Variants in SNX29 observed in about 807,000 individuals in gnomAD.
The protein encoded by SNX29 is sorting nexin 29.
A neutral mutation model predicts 102.1 loss-of-function variants in SNX29; 78 were observed. That is an observed-to-expected ratio of 0.76 (90% confidence interval 0.64 to 0.92). The LOEUF is 0.92. Ranked by LOEUF, SNX29 falls within the 40% of genes least tolerant of loss-of-function variation. SNX29 has a pLI of 0.00. For synonymous variants in SNX29, 580 were observed against 414.5 expected (o/e 1.40, Z -4.85); for missense variants, 1,280 against 1,061.7 (o/e 1.21, Z -2.86).
intron 3 of SNX29, among the ~76,000 whole-genome samples, chr16:12,018,743 T>G (rs1432155761): frequency 6.6e-6 from 1 of 151,202 alleles, no homozygotes; most frequent in Admixed American, 6.6e-5. Flanking sequence ...CACTTTTTTT[T>G]GTCTTTTTTT....
chr16:12,103,850 A>T lies in SNX29; in HGVS notation c.1403-22783A>T, dbSNP rs551238520. 6.6e-5 allele frequency among the ~76,000 whole-genome samples: 10 copies of T among 152,350 alleles called. No individual in the cohort carries two copies. In the South Asian group the frequency reaches 1.0e-3, roughly 16 times the overall value. On this transcript the variant is annotated intron_variant, in intron 11 of 20. Transcript: ENST00000566228. ...GGAACTTAAACAACTTTGCGAGAGA[A>T]AAACAAGGAAAGTGTATTCTTAATG...
chr16:12,001,914 G>A (rs1035198345), intron 2 of SNX29, among the ~76,000 whole-genome samples: 1 of 151,866 alleles, frequency 6.6e-6, no homozygotes, highest in Non-Finnish European at 1.5e-5. Flanking sequence ...CAGCTACTTG[G>A]GAGACTGAGG....
intron 20 of SNX29, among the ~76,000 whole-genome samples, chr16:12,547,099 C>G (rs1794317): frequency 0.098 from 14,897 of 152,236 alleles, 1,254 homozygotes; most frequent in East Asian, 0.2. Flanking sequence ...GTGGCGATTT[C>G]CAGTGAAAAG....
chr16:12,506,474 G>C (rs551450349), intron 19 of SNX29, among the ~76,000 whole-genome samples: 1 of 152,336 alleles, frequency 6.6e-6, no homozygotes, highest in Admixed American at 6.5e-5. Flanking sequence ...GGACAGGCAA[G>C]AGTTAGAAGA....
chr16:12,499,350 G>A (rs2088992043), intron 19 of SNX29, among the ~76,000 whole-genome samples: 1 of 152,212 alleles, frequency 6.6e-6, no homozygotes, highest in Non-Finnish European at 1.5e-5. Flanking sequence ...AGGCTTCACT[G>A]CTAAGTTCCA....
intron 19 of SNX29, among the ~76,000 whole-genome samples, chr16:12,485,741 G>A (rs1033444614): frequency 2.0e-5 from 3 of 152,196 alleles, no homozygotes; most frequent in Admixed American, 2.0e-4. Flanking sequence ...TTAAGAAGCT[G>A]GCAGTCTTGT....
intron 20 of SNX29, among the ~76,000 whole-genome samples, chr16:12,532,189 A>T (rs1428244265): frequency 6.6e-6 from 1 of 152,228 alleles, no homozygotes; most frequent in Non-Finnish European, 1.5e-5. Flanking sequence ...ACAATGAATC[A>T]TTCTTGCAAA....
chr16:12,414,453 G>A (rs1198493132), intron 18 of SNX29, among the ~76,000 whole-genome samples: 1 of 152,156 alleles, frequency 6.6e-6, no homozygotes, highest in Non-Finnish European at 1.5e-5. Flanking sequence ...GGCTTAAGTG[G>A]GACCTTCTAA....
chr16:12,210,687 C>T (rs948576129), intron 14 of SNX29, among the ~76,000 whole-genome samples: 10 of 152,078 alleles, frequency 6.6e-5, no homozygotes, highest in African/African-American at 2.2e-4. Context: ...AGGTTGTAGC[C>T]AAGGTGTCCT....
chr16:12,495,080 C>T (rs2088750575), intron 19 of SNX29, among the ~76,000 whole-genome samples: 1 of 152,256 alleles, frequency 6.6e-6, no homozygotes, highest in African/African-American at 2.4e-5. Flanking sequence ...TTTGCACATG[C>T]AGTTCCTTTA....
rs1168753810 is a variant in SNX29 at position 12,446,299 on chromosome 16, A to ACC, written c.2038-31418_2038-31417dup. Among the ~76,000 whole-genome samples, 3 of 151,770 alleles carry ACC rather than the reference A, an allele frequency of 2.0e-5. No individual in the cohort carries two copies. In the East Asian group the frequency reaches 5.8e-4, roughly 29 times the overall value. ...TCGAACTCCTGACCTCAAGTGATCC[A>ACC]CCCGCCTTGGCCTCCCAAAGTGCTG... On this transcript the variant is annotated intron_variant, in intron 18 of 20. Transcript: ENST00000566228.
chr16:12,534,303 C>T (rs552651336), intron 20 of SNX29, among the ~76,000 whole-genome samples: 3 of 152,366 alleles, frequency 2.0e-5, no homozygotes, highest in African/African-American at 7.2e-5. Context: ...GGGAGACGTG[C>T]TCCTAATGAG....
intron 20 of SNX29, 125 bp from the exon 21 acceptor site, chr16:12,568,381 T>A (rs1177006868): frequency 5.4e-6 from 7 of 1,285,516 alleles, no homozygotes; most frequent in African/African-American, 3.0e-5. Context: ...TAGAGGCAGA[T>A]CCAATGAGCC....
intron 15 of SNX29, among the ~76,000 whole-genome samples, chr16:12,313,511 G>A (rs1024899935): frequency 1.4e-4 from 21 of 152,196 alleles, no homozygotes; most frequent in African/African-American, 5.1e-4. Context: ...CAGATGAGAA[G>A]TGCCCTTCCA....
At chr16:12,256,927 C>T (rs2078590767) in intron 14 of SNX29, among the ~76,000 whole-genome samples, 1 of 152,224 alleles carries the variant, frequency 6.6e-6, no homozygotes, top group African/African-American at 2.4e-5. Context: ...TCTCCACCGT[C>T]TTCCCCACTG....
intron 20 of SNX29, chr16:12,526,843 C>T (rs2076797936): frequency 7.4e-6 from 3 of 403,048 alleles, no homozygotes; most frequent in South Asian, 4.9e-5. Context: ...CATTCGCGTG[C>T]CGAATTGTAA....
At chr16:12,185,517 G>A (rs760994440) in intron 13 of SNX29, among the ~76,000 whole-genome samples, 1 of 152,176 alleles carries the variant, frequency 6.6e-6, no homozygotes, top group Non-Finnish European at 1.5e-5. Context: ...CAGGCCAGTG[G>A]GGTGTGGTTC....
intron 15 of SNX29, among the ~76,000 whole-genome samples, chr16:12,336,865 G>A (rs1168039478): frequency 6.6e-6 from 1 of 152,206 alleles, no homozygotes; most frequent in Non-Finnish European, 1.5e-5. Flanking sequence ...AGGATCACTT[G>A]AGTCCAGGAA....
At chr16:12,333,366 A>G (rs1313684798) in intron 15 of SNX29, among the ~76,000 whole-genome samples, 1 of 151,866 alleles carries the variant, frequency 6.6e-6, no homozygotes, top group Non-Finnish European at 1.5e-5. Context: ...CGGCCTCCCA[A>G]AGTGTTGGGA....
Sources: allele counts gnomAD v4.1 joint callset (sites outside exome capture counted in the v4.1 genomes callset), GRCh38; gene constraint gnomAD v4.1.1; transcripts MANE v1.5; gene names NCBI Gene and HGNC (gene_info 2026-07-23, HGNC 2026-07-21).